The following KHDRBS2 variants were observed in gnomAD, a reference collection of about 807,000 sequenced individuals.
KHDRBS2 encodes KH RNA binding domain containing, signal transduction associated 2, also known as KH domain-containing, RNA-binding, signal transduction-associated protein 2.
A neutral mutation model predicts 44.3 loss-of-function variants in KHDRBS2; 26 were observed. That is an observed-to-expected ratio of 0.59 (90% CI 0.43 to 0.81). The LOEUF (loss-of-function observed/expected upper bound fraction) is 0.81, where lower values mean the gene tolerates loss of function less well. KHDRBS2 is among the 40% of genes least tolerant of loss of function. The pLI is 0.00. For synonymous variants in KHDRBS2, 194 were observed against 151.1 expected (o/e 1.28, Z -2.08); for missense variants, 476 against 433.1 (o/e 1.10, Z -0.88).
intron 3 of KHDRBS2, among the ~76,000 whole-genome samples, chr6:62,018,279 T>C (rs1264168221): frequency 1.3e-5 from 2 of 150,790 alleles, no homozygotes; most frequent in African/African-American, 4.9e-5. Flanking sequence ...TATGTGTATA[T>C]TCACACACTA....
chr6:61,698,446 C>T (rs999976030), intron 7 of KHDRBS2, among the ~76,000 whole-genome samples: 53 of 152,084 alleles, frequency 3.5e-4, no homozygotes, highest in African/African-American at 1.3e-3. Flanking sequence ...TAAACATATC[C>T]ACAGCTATCA....
At chr6:62,080,708 C>A (rs900088527) in intron 2 of KHDRBS2, among the ~76,000 whole-genome samples, 1 of 152,100 alleles carries the variant, frequency 6.6e-6, no homozygotes, top group Admixed American at 6.6e-5. Flanking sequence ...TCCTGAGCTT[C>A]TCTGTGAAGT....
At chr6:61,994,543 C>T (rs1392566174) in intron 3 of KHDRBS2, among the ~76,000 whole-genome samples, 1 of 152,112 alleles carries the variant, frequency 6.6e-6, no homozygotes, top group Non-Finnish European at 1.5e-5. Flanking sequence ...TTAAAATGCA[C>T]CTTCTTGTGA....
At chr6:61,861,504 G>T (rs1010873466) in intron 6 of KHDRBS2, among the ~76,000 whole-genome samples, 3 of 152,044 alleles carry the variant, frequency 2.0e-5, no homozygotes, top group Admixed American at 6.6e-5. Context: ...GGTCAGGTTT[G>T]TCAAAGATAT....
intron 4 of KHDRBS2, among the ~76,000 whole-genome samples, chr6:61,923,506 C>A (rs1479365473): frequency 6.6e-6 from 1 of 151,960 alleles, no homozygotes; most frequent in African/African-American, 2.4e-5. Context: ...CCCAGGAATG[C>A]AATATTGGTT....
chr6:62,105,432 T>C (rs932165689), intron 2 of KHDRBS2, among the ~76,000 whole-genome samples: 1 of 152,184 alleles, frequency 6.6e-6, no homozygotes, highest in Non-Finnish European at 1.5e-5. Context: ...TGGTAAGCTA[T>C]TGATTATTGC....
intron 1 of KHDRBS2, among the ~76,000 whole-genome samples, chr6:62,281,165 T>TCTAAC (rs1272996609): frequency 1.3e-5 from 2 of 152,018 alleles, no homozygotes; most frequent in African/African-American, 4.8e-5. Flanking sequence ...CTCAATCTAA[T>TCTAAC]CCTTTTTCAT....
the KHDRBS2 span, among the ~76,000 whole-genome samples, chr6:61,673,244 C>T: frequency 3.3e-5 from 5 of 152,064 alleles, no homozygotes; most frequent in Admixed American, 6.6e-5. Context: ...GTTTTGGTTA[C>T]TGTAGCCTTG....
the KHDRBS2 span, among the ~76,000 whole-genome samples, chr6:61,666,153 C>A: frequency 6.6e-6 from 1 of 151,226 alleles, no homozygotes; most frequent in African/African-American, 2.4e-5. Context: ...ACTTCTATTG[C>A]AACAAAATAA....
At chr6:61,989,560 T>C (rs1470358494) in intron 3 of KHDRBS2, among the ~76,000 whole-genome samples, 1 of 152,156 alleles carries the variant, frequency 6.6e-6, no homozygotes, top group East Asian at 1.9e-4. Flanking sequence ...TGCTTGGCTA[T>C]AAAAAAATGT....
At chr6:61,952,914 T>C (rs1765075264) in intron 4 of KHDRBS2, among the ~76,000 whole-genome samples, 1 of 152,082 alleles carries the variant, frequency 6.6e-6, no homozygotes, top group South Asian at 2.1e-4. Context: ...CCATTCACAT[T>C]CTGTCTTGGG....
chr6:62,106,949 A>G (rs1304061692), intron 2 of KHDRBS2, among the ~76,000 whole-genome samples: 1 of 152,098 alleles, frequency 6.6e-6, no homozygotes, highest in Non-Finnish European at 1.5e-5. Flanking sequence ...ATCTCAAAAT[A>G]ATAAGAGCCA....
At chr6:61,844,233 C>A (rs1372818491) in intron 6 of KHDRBS2, among the ~76,000 whole-genome samples, 1 of 152,124 alleles carries the variant, frequency 6.6e-6, no homozygotes, top group Admixed American at 6.5e-5. Flanking sequence ...AAGCTATTAA[C>A]TGGCATCATC....
chr6:62,060,942 T>C (rs4235985), intron 2 of KHDRBS2, among the ~76,000 whole-genome samples: 108,367 of 151,754 alleles, frequency 0.71, 40,010 homozygotes, highest in East Asian at 0.82. Flanking sequence ...GAATGATCCA[T>C]GTTTTGATCT....
intron 6 of KHDRBS2, among the ~76,000 whole-genome samples, chr6:61,853,189 C>T (rs1466189105): frequency 6.6e-6 from 1 of 152,128 alleles, no homozygotes; most frequent in Non-Finnish European, 1.5e-5. Flanking sequence ...CTGTTCTCTG[C>T]TTCTTGGGCA....
At chr6:61,742,666 T>C (rs1368686348) in intron 6 of KHDRBS2, among the ~76,000 whole-genome samples, 1 of 152,058 alleles carries the variant, frequency 6.6e-6, no homozygotes, top group East Asian at 1.9e-4. Flanking sequence ...TACTCCCCAG[T>C]ATGCAGCTTT....
At chr6:62,164,707 G>T (rs1818319852) in intron 2 of KHDRBS2, among the ~76,000 whole-genome samples, 1 of 151,934 alleles carries the variant, frequency 6.6e-6, no homozygotes, top group African/African-American at 2.4e-5. Flanking sequence ...ATATGCAACT[G>T]CTTTCAAAAG....
intron 2 of KHDRBS2, among the ~76,000 whole-genome samples, chr6:62,075,353 G>C (rs1796125119): frequency 6.6e-6 from 1 of 151,860 alleles, no homozygotes; most frequent in Admixed American, 6.6e-5. Flanking sequence ...CAAAGAATTT[G>C]CTGGTGCTTT....
intron 6 of KHDRBS2, among the ~76,000 whole-genome samples, chr6:61,884,846 GT>G (rs1164683808): frequency 1.3e-5 from 2 of 152,002 alleles, no homozygotes; most frequent in African/African-American, 4.8e-5. Flanking sequence ...TCCCTGCTCT[GT>G]CCCCCCATAG....
Sources: allele counts gnomAD v4.1 joint callset (sites outside exome capture counted in the v4.1 genomes callset), GRCh38; gene constraint gnomAD v4.1.1; transcripts MANE v1.5; gene names NCBI Gene and HGNC (gene_info 2026-07-23, HGNC 2026-07-21).